XPO7: variants seen among roughly 807,000 people sequenced by gnomAD.
XPO7 encodes exportin-7.
XPO7 carries 21 observed loss-of-function variants against 144.3 expected under a neutral mutation model. The ratio of observed to expected loss-of-function variants is 0.15; its 90% confidence interval spans 0.10 to 0.21. XPO7 has a LOEUF of 0.21. XPO7 is among the 10% of genes least tolerant of loss of function. XPO7 has a pLI of 1.00. For missense variants in XPO7, 808 were observed against 1,325.8 expected (o/e 0.61, Z 6.06); for synonymous variants, 580 against 499.6 (o/e 1.16, Z -2.15).
chr8:21,955,863 G>A (rs1048557621), intron 1 of XPO7, among the ~76,000 whole-genome samples: 4 of 150,916 alleles, frequency 2.7e-5, no homozygotes, highest in African/African-American at 4.9e-5. Flanking sequence ...CAAGTAGCTC[G>A]GACTACAGGT....
At chr8:21,966,814 G>T (rs768735077) in intron 1 of XPO7, 43 bp from the exon 2 acceptor site, 1 of 1,572,750 alleles carries the variant, frequency 6.4e-7, no homozygotes, top group Non-Finnish European at 8.6e-7. Flanking sequence ...GCTTACATTT[G>T]TAGTAGGCTG....
intron 20 of XPO7, among the ~76,000 whole-genome samples, chr8:21,994,821 A>T (rs1025600673): frequency 1.3e-5 from 2 of 152,292 alleles, no homozygotes; most frequent in South Asian, 4.1e-4. Flanking sequence ...AGGGAGGCCG[A>T]GGTGGGCGGA....
At chr8:21,984,289 G>T (rs980877880) in intron 11 of XPO7, among the ~76,000 whole-genome samples, 1 of 152,106 alleles carries the variant, frequency 6.6e-6, no homozygotes, top group African/African-American at 2.4e-5. Context: ...ACAGGACTGT[G>T]TACTTATCCT....
At chr8:21,996,480 A>T (rs1201248813) in intron 21 of XPO7, among the ~76,000 whole-genome samples, 1 of 152,214 alleles carries the variant, frequency 6.6e-6, no homozygotes, top group Non-Finnish European at 1.5e-5. Flanking sequence ...GGCAACCAAG[A>T]TTCTGATTTC....
At chr8:21,975,543 A>G (rs1812199453) in intron 6 of XPO7, among the ~76,000 whole-genome samples, 1 of 152,146 alleles carries the variant, frequency 6.6e-6, no homozygotes, top group African/African-American at 2.4e-5. Flanking sequence ...ACATTTCCCA[A>G]TTTTAGTTTT....
chr8:21,971,980 A>C, intron 5 of XPO7, 39 bp downstream of exon 5: 1 of 1,595,336 alleles, frequency 6.3e-7, no homozygotes, highest in Admixed American at 1.7e-5. Context: ...TAAGTGCCAT[A>C]TTTTTTCTTA....
At chr8:21,980,708 G>C (rs933387941) in intron 9 of XPO7, among the ~76,000 whole-genome samples, 2 of 151,152 alleles carry the variant, frequency 1.3e-5, no homozygotes, top group Non-Finnish European at 2.9e-5. Flanking sequence ...CCGGGAGGCA[G>C]AAGTTGCAGT....
intron 25 of XPO7, 112 bp downstream of exon 25, chr8:22,002,384 T>C: frequency 7.6e-7 from 1 of 1,311,254 alleles, no homozygotes; most frequent in Admixed American, 2.5e-5. Context: ...AGGTTCCTGC[T>C]GCTGAGATGA....
intron 1 of XPO7, among the ~76,000 whole-genome samples, chr8:21,923,128 A>T (rs542862360): frequency 6.6e-6 from 1 of 152,344 alleles, no homozygotes; most frequent in East Asian, 1.9e-4. Context: ...TGAGAATTTT[A>T]AATGGAAAAA....
rs1327537160 is a variant in XPO7, at chr8:21,969,595, G to A, written c.259+19G>A. ...GATATTCGTAAGTGGAGAATTTTCT[G>A]TTCTGTCTTGAAGAAAATAGTTTGT... On this transcript the variant is annotated intron_variant, in intron 3 of 27. Coordinates refer to ENST00000252512, the MANE Select transcript of XPO7 (RefSeq NM_015024.5). 6.3e-7 allele frequency: 1 copy of A among 1,599,468 alleles called. No homozygotes were observed. The highest frequency in any genetic ancestry group is 1.3e-5 in the African/African-American group (1 of 74,694).
chr8:21,995,523 G>A lies in XPO7; in HGVS notation c.2269G>A (p.Ala757Thr). The change falls in exon 21 of 28, where the codon GCA becomes ACA. Residue 757 changes from alanine (A) to threonine (T), a missense_variant. Coordinates refer to ENST00000252512, the MANE Select transcript of XPO7 (RefSeq NM_015024.5). The stretch of plus-strand genomic sequence containing the variant: ...ATCCTATATGCCAATTCTCCAACGG[G>A]CAATTGAGCTCTGGTACCATGATCC... ...YPSYMPILQRAIELWYHDPAC... is the reference protein window; with the variant it reads ...YPSYMPILQRTIELWYHDPAC... 6.2e-7 allele frequency: 1 copy of A among 1,609,664 alleles called. No homozygotes were observed. The highest frequency in any genetic ancestry group is 8.5e-7 in the Non-Finnish European group (1 of 1,177,880).
chr8:21,999,457 T>A (rs1379180237), intron 23 of XPO7, 79 bp from the exon 24 acceptor site: 6 of 1,592,144 alleles, frequency 3.8e-6, no homozygotes, highest in Non-Finnish European at 5.1e-6. Context: ...TAAAAGGAGC[T>A]AAGCTATTTA....
intron 1 of XPO7, among the ~76,000 whole-genome samples, chr8:21,963,424 G>A (rs1219904257): frequency 6.6e-6 from 1 of 152,190 alleles, no homozygotes; most frequent in Admixed American, 6.5e-5. Context: ...GACCGGGCAC[G>A]GTGGCTCACG....
At chr8:21,995,085 T>A (rs879601018) in intron 20 of XPO7, among the ~76,000 whole-genome samples, 10 of 147,910 alleles carry the variant, frequency 6.8e-5, no homozygotes, top group South Asian at 2.2e-4. Context: ...ATAATAATAA[T>A]AAACAGCTTT....
chr8:21,928,471 A>G (rs1228824667), intron 1 of XPO7, among the ~76,000 whole-genome samples: 1 of 152,186 alleles, frequency 6.6e-6, no homozygotes, highest in East Asian at 1.9e-4. Flanking sequence ...GCTGAGTCTT[A>G]TTGTGTATGT....
At position 21,992,386 on chromosome 8, in the gene XPO7, T is replaced by A. The variant is rs188273254; in HGVS notation, c.2148+412T>A. ...TTTTTACATGTACAGTTCAGTGATG[T>A]CAAGTTTCTACATTGTTGTGAAATA... On this transcript the variant is annotated intron_variant, in intron 19 of 27. Coordinates refer to ENST00000252512, the MANE Select transcript of XPO7 (RefSeq NM_015024.5). Among the ~76,000 whole-genome samples, 561 of 152,328 alleles carry A rather than the reference T, an allele frequency of 3.7e-3. 2 individuals carry two copies. Among genetic ancestry groups the A allele is most frequent in the African/African-American group, 0.013 (536 of 41,568 alleles).
Position 22,005,060 on chromosome 8 carries a change from G to T in XPO7, c.3236G>T (p.Gly1079Val). Residue 1079 changes from glycine to valine, a missense_variant, in exon 28 of 28, where the codon GGC (glycine) becomes GTC (valine). Gly to Val is a moderately radical substitution (Grantham distance 109). Around this residue, in one of 5 missense-constraint regions of XPO7, gnomAD observed 140 missense variants for 237.9 expected, o/e 0.59. Coordinates refer to ENST00000252512, the MANE Select transcript of XPO7 (RefSeq NM_015024.5). ...VNDSMKNSTY[G>V]VNSNDMMS ...GACTCAATGAAGAATTCCACTTATGGCGTGAATAGCAATGACATGATGAGC... is the reference window on the plus strand; with the variant it reads ...GACTCAATGAAGAATTCCACTTATGTCGTGAATAGCAATGACATGATGAGC... The T allele has an allele frequency of 6.2e-7, 1 of 1,613,024 alleles. No individual in the cohort carries two copies. Among genetic ancestry groups the T allele is most frequent in the Non-Finnish European group, 8.5e-7 (1 of 1,179,590 alleles).
chr8:21,979,494 G>A (rs528939148), intron 8 of XPO7, among the ~76,000 whole-genome samples: 42 of 145,228 alleles, frequency 2.9e-4, no homozygotes, highest in African/African-American at 1.0e-3. Context: ...TGCAGCCTCC[G>A]CCTCCCAGCT....
In XPO7 at chr8:21,981,713, C is replaced by T. The variant is rs1812416928; in HGVS notation, c.958-18C>T. 1 of 1,611,968 alleles carries T rather than the reference C, an allele frequency of 6.2e-7. No homozygotes were observed. The highest frequency in any genetic ancestry group is 8.5e-7 in the Non-Finnish European group (1 of 1,178,344). On this transcript the variant is annotated intron_variant, in intron 9 of 27. Coordinates refer to ENST00000252512, the MANE Select transcript of XPO7 (RefSeq NM_015024.5). Reference sequence around the variant, plus strand: ...AAGGCACATTTTACATTTTATTTTTCTCCTCTGCTACTGCCAGAGTTTATC... The same window carrying T: ...AAGGCACATTTTACATTTTATTTTTTTCCTCTGCTACTGCCAGAGTTTATC...
Sources: allele counts gnomAD v4.1 joint callset (sites outside exome capture counted in the v4.1 genomes callset), GRCh38; gene constraint gnomAD v4.1.1; regional missense constraint gnomAD v4.1.1; transcripts MANE v1.5; gene names NCBI Gene and HGNC (gene_info 2026-07-23, HGNC 2026-07-21).